KCNIP4: variants seen among roughly 807,000 people sequenced by gnomAD.
The protein encoded by KCNIP4 is potassium voltage-gated channel interacting protein 4.
KCNIP4 carries 12 observed loss-of-function variants against 34.0 expected under a neutral mutation model. That is an observed-to-expected ratio of 0.35 (90% CI 0.23 to 0.57). The LOEUF (loss-of-function observed/expected upper bound fraction) is 0.57. KCNIP4 is among the 20% of genes least tolerant of loss of function. KCNIP4 has a pLI of 0.83. For missense variants in KCNIP4, 238 were observed against 311.7 expected (o/e 0.76, Z 1.78); for synonymous variants, 124 against 102.2 (o/e 1.21, Z -1.29).
At chr4:20,782,241 C>T (rs1756939924) in intron 3 of KCNIP4, among the ~76,000 whole-genome samples, 1 of 152,120 alleles carries the variant, frequency 6.6e-6, no homozygotes, top group Non-Finnish European at 1.5e-5. Flanking sequence ...TGCAGCCTTT[C>T]CAGGTACATG....
intron 1 of KCNIP4, among the ~76,000 whole-genome samples, chr4:21,174,874 C>T (rs1754287707): frequency 6.6e-6 from 1 of 150,540 alleles, no homozygotes. Context: ...CACTCCAGCC[C>T]CTGGGTGACA....
In KCNIP4 at chr4:21,476,181, G is replaced by A. The variant is rs191842825; in HGVS notation, c.61+472390C>T. On this transcript the variant is annotated intron_variant, in intron 1 of 8. Coordinates refer to ENST00000382152, the MANE Select transcript of KCNIP4 (RefSeq NM_025221.6). Reference sequence around the variant, plus strand: ...CAAAATACCTTCTGCATTTTATATAGGTAAAGCTAGAAGAAAAGTAATCTA... The same window carrying A: ...CAAAATACCTTCTGCATTTTATATAAGTAAAGCTAGAAGAAAAGTAATCTA... Among the ~76,000 whole-genome samples, 7 of 152,178 alleles carry A rather than the reference G, an allele frequency of 4.6e-5. No individual in the cohort carries two copies. In the East Asian group the frequency reaches 1.4e-3, roughly 29 times the overall value.
rs182790097 is a variant in KCNIP4, at chr4:21,617,934, C to G, written c.61+330637G>C. 2.3e-3 allele frequency among the ~76,000 whole-genome samples: 354 copies of G among 152,222 alleles called. 2 individuals carry two copies. The highest frequency in any genetic ancestry group is 0.01 in the Middle Eastern group (3 of 294). ...GCCTCTGTGAGTTTGAATTACCTGA[C>G]AGGTATTGAGAAAATTATTTATAAA... On this transcript the variant is annotated intron_variant, in intron 1 of 8. Coordinates refer to ENST00000382152, the MANE Select transcript of KCNIP4 (RefSeq NM_025221.6).
At chr4:21,100,216 G>T (rs1747815418) in intron 1 of KCNIP4, among the ~76,000 whole-genome samples, 1 of 152,168 alleles carries the variant, frequency 6.6e-6, no homozygotes, top group African/African-American at 2.4e-5. Flanking sequence ...TTTTGGGAAA[G>T]AGTCAGTGGG....
intron 3 of KCNIP4, among the ~76,000 whole-genome samples, chr4:20,761,968 T>A (rs1432553803): frequency 6.6e-6 from 1 of 152,170 alleles, no homozygotes; most frequent in Non-Finnish European, 1.5e-5. Context: ...ACTGCTACAA[T>A]AAACCAGTCA....
chr4:21,802,175 A>G (rs1236605218), intron 1 of KCNIP4, among the ~76,000 whole-genome samples: 2 of 149,160 alleles, frequency 1.3e-5, no homozygotes, highest in African/African-American at 2.4e-5. Flanking sequence ...CCACTATGCC[A>G]GGAATGTTAA....
intron 1 of KCNIP4, among the ~76,000 whole-genome samples, chr4:21,740,090 G>A (rs1006088067): frequency 6.6e-6 from 1 of 151,974 alleles, no homozygotes; most frequent in Non-Finnish European, 1.5e-5. Flanking sequence ...AAGAATATAT[G>A]TATACACATG....
chr4:21,188,016 TC>T (rs542526778), intron 1 of KCNIP4, among the ~76,000 whole-genome samples: 3 of 152,194 alleles, frequency 2.0e-5, no homozygotes, highest in Non-Finnish European at 4.4e-5. Flanking sequence ...TCCCAGTTCA[TC>T]AGGTAGATGT....
intron 1 of KCNIP4, among the ~76,000 whole-genome samples, chr4:21,126,189 C>T (rs1374156830): frequency 6.6e-6 from 1 of 152,090 alleles, no homozygotes; most frequent in African/African-American, 2.4e-5. Flanking sequence ...GAAATAAATG[C>T]AGTCTATTAT....
chr4:21,575,055 T>C (rs1740648270), intron 1 of KCNIP4, among the ~76,000 whole-genome samples: 2 of 152,216 alleles, frequency 1.3e-5, no homozygotes, highest in Non-Finnish European at 2.9e-5. Context: ...ACATATTTTC[T>C]AGAAGAATCT....
At chr4:20,945,878 G>A (rs1732142314) in intron 1 of KCNIP4, among the ~76,000 whole-genome samples, 1 of 152,150 alleles carries the variant, frequency 6.6e-6, no homozygotes, top group South Asian at 2.1e-4. Context: ...GAGGTGAGCA[G>A]CCCTTTGTAT....
intron 1 of KCNIP4, among the ~76,000 whole-genome samples, chr4:21,647,863 C>CTTTTTTTTTTTT (rs10539950): frequency 2.3e-4 from 14 of 60,198 alleles, no homozygotes; most frequent in African/African-American, 1.2e-3. Flanking sequence ...TACAATGATG[C>CTTTTTTTTTTTT]TTTTTTTTTT....
intron 1 of KCNIP4, among the ~76,000 whole-genome samples, chr4:21,147,993 T>C (rs1443260925): frequency 8.6e-6 from 1 of 116,450 alleles, no homozygotes; most frequent in Non-Finnish European, 1.9e-5. Context: ...GGAATAATAG[T>C]AAGAGGAATT....
chr4:21,526,274 G>T (rs1735967667), intron 1 of KCNIP4, among the ~76,000 whole-genome samples: 1 of 152,050 alleles, frequency 6.6e-6, no homozygotes, highest in Non-Finnish European at 1.5e-5. Context: ...CATAATATCT[G>T]ATGGTTTAAT....
intron 1 of KCNIP4, among the ~76,000 whole-genome samples, chr4:21,423,500 T>A (rs1240080764): frequency 1.3e-5 from 2 of 152,234 alleles, no homozygotes; most frequent in Non-Finnish European, 2.9e-5. Flanking sequence ...TCTATACATT[T>A]GTTGAATGAC....
chr4:21,580,132 T>C (rs1186491501), intron 1 of KCNIP4, among the ~76,000 whole-genome samples: 2 of 152,160 alleles, frequency 1.3e-5, no homozygotes, highest in South Asian at 2.1e-4. Context: ...TTATCTAGAC[T>C]ACTTAAACAG....
At chr4:20,994,501 A>G (rs1737364668) in intron 1 of KCNIP4, among the ~76,000 whole-genome samples, 2 of 152,222 alleles carry the variant, frequency 1.3e-5, no homozygotes, top group African/African-American at 2.4e-5. Context: ...AGGAAAGTAC[A>G]TTTCAAAATA....
In KCNIP4 at chr4:21,075,901, T is replaced by A. The variant is rs146450727; in HGVS notation, c.62-193192A>T. ...TTTATTTCTCCTTCACTTACGAAGCTTAGTTTGGCTGGATATGAAATTCTG... is the reference window on the plus strand; with the variant it reads ...TTTATTTCTCCTTCACTTACGAAGCATAGTTTGGCTGGATATGAAATTCTG... On this transcript the variant is annotated intron_variant, in intron 1 of 8. Transcript: ENST00000382152. 6.5e-3 allele frequency among the ~76,000 whole-genome samples: 988 copies of A among 152,270 alleles called. 6 individuals are homozygous for A. Among genetic ancestry groups the A allele is most frequent in the African/African-American group, 0.021 (878 of 41,546 alleles).
chr4:20,820,359 T>C (rs1037317259), intron 3 of KCNIP4, among the ~76,000 whole-genome samples: 1 of 152,180 alleles, frequency 6.6e-6, no homozygotes, highest in African/African-American at 2.4e-5. Flanking sequence ...CTGTGAGCAA[T>C]GAACTAGAGT....
Sources: allele counts gnomAD v4.1 joint callset (sites outside exome capture counted in the v4.1 genomes callset), GRCh38; gene constraint gnomAD v4.1.1; transcripts MANE v1.5; gene names NCBI Gene and HGNC (gene_info 2026-07-23, HGNC 2026-07-21).